The following ZC3H12B variants were observed in gnomAD, a reference collection of about 807,000 sequenced individuals.
ZC3H12B encodes zinc finger CCCH-type containing 12B.
A neutral mutation model predicts 43.9 loss-of-function variants in ZC3H12B; 7 were observed. The observed-to-expected ratio is 0.16, with a 90% CI of 0.09 to 0.30. The LOEUF is 0.30. ZC3H12B is among the 10% of genes least tolerant of loss of function. The pLI, the probability that ZC3H12B is intolerant of heterozygous loss-of-function variation, is 1.00. For missense variants in ZC3H12B, 475 were observed against 670.2 expected, an observed-to-expected ratio of 0.71 and a Z score of 3.22; for synonymous variants, 222 against 241.7, an observed-to-expected ratio of 0.92 and a Z score of 0.76.
At chrX:65,156,616 G>C in the ZC3H12B span, among the ~76,000 whole-genome samples, 1 of 110,872 alleles carries the variant, frequency 9.0e-6, no homozygotes, top group East Asian at 2.8e-4. Flanking sequence ...CTCGACCCCA[G>C]GTAATCCACC....
the ZC3H12B span, among the ~76,000 whole-genome samples, chrX:65,147,028 A>T: frequency 3.6e-5 from 4 of 112,016 alleles, no homozygotes; most frequent in Admixed American, 9.5e-5. Flanking sequence ...CCTGTCTCTC[A>T]TCCACAATGA....
At chrX:65,107,715 T>A in the ZC3H12B span, among the ~76,000 whole-genome samples, 52 of 110,959 alleles carry the variant, frequency 4.7e-4, no homozygotes, top group Non-Finnish European at 7.2e-4. Context: ...ATAAGGGGCT[T>A]TCCCCCTACG....
chrX:65,276,172 G>T, the ZC3H12B span, among the ~76,000 whole-genome samples: 1 of 111,376 alleles, frequency 9.0e-6, no homozygotes, highest in South Asian at 3.7e-4. Flanking sequence ...GAATAAAAAA[G>T]AATTAAGAAA....
intron 2 of ZC3H12B, among the ~76,000 whole-genome samples, chrX:65,378,468 T>C (rs1367515598): frequency 9.2e-6 from 1 of 108,853 alleles, no homozygotes; most frequent in Non-Finnish European, 1.9e-5. Context: ...AAACAACAGA[T>C]ACAAAAAAAA....
the ZC3H12B span, among the ~76,000 whole-genome samples, chrX:65,174,106 C>A: frequency 1.2e-4 from 13 of 111,252 alleles, no homozygotes; most frequent in Admixed American, 7.6e-4. Context: ...CTGCTCCATC[C>A]TCTGGAATCT....
chrX:65,254,865 C>T, the ZC3H12B span, among the ~76,000 whole-genome samples: 1 of 111,141 alleles, frequency 9.0e-6, no homozygotes, highest in Non-Finnish European at 1.9e-5. Flanking sequence ...TAGGAAAAAA[C>T]CAAGCTGACC....
chrX:65,213,130 G>C, the ZC3H12B span, among the ~76,000 whole-genome samples: 2 of 106,155 alleles, frequency 1.9e-5, no homozygotes, highest in Non-Finnish European at 3.9e-5. Flanking sequence ...TATTTTTTCT[G>C]TGCATATATT....
At chrX:65,390,575 A>G (rs1306335558) in intron 2 of ZC3H12B, among the ~76,000 whole-genome samples, 3 of 111,479 alleles carry the variant, frequency 2.7e-5, no homozygotes, top group Non-Finnish European at 5.6e-5. Flanking sequence ...CAGATATATG[A>G]GGCACATATT....
chrX:65,158,762 A>AGCT, the ZC3H12B span, among the ~76,000 whole-genome samples: 1 of 111,512 alleles, frequency 9.0e-6, no homozygotes, highest in African/African-American at 3.3e-5. Context: ...GCTGTGCAGA[A>AGCT]GCTCTTTAGT....
At chrX:65,100,830 T>G in the ZC3H12B span, among the ~76,000 whole-genome samples, 1 of 110,334 alleles carries the variant, frequency 9.1e-6, no homozygotes, top group South Asian at 3.9e-4. Flanking sequence ...CTGTCAACAT[T>G]GGATCAACGA....
chrX:65,132,563 G>T, the ZC3H12B span, among the ~76,000 whole-genome samples: 1 of 110,743 alleles, frequency 9.0e-6, no homozygotes, highest in Non-Finnish European at 1.9e-5. Context: ...CAGCAATGAG[G>T]TGTGGCTGTA....
At chrX:65,259,640 A>G in the ZC3H12B span, among the ~76,000 whole-genome samples, 3 of 112,299 alleles carry the variant, frequency 2.7e-5, no homozygotes, top group Non-Finnish European at 3.8e-5. Context: ...AAATAGTATA[A>G]CCATTATGGA....
chrX:65,043,461 A>G, the ZC3H12B span, among the ~76,000 whole-genome samples: 1 of 110,302 alleles, frequency 9.1e-6, no homozygotes, highest in Non-Finnish European at 1.9e-5. Context: ...GTTTTTATAT[A>G]TAAATTTCTA....
chrX:65,077,601 C>T, the ZC3H12B span, among the ~76,000 whole-genome samples: 1 of 112,275 alleles, frequency 8.9e-6, no homozygotes, highest in Non-Finnish European at 1.9e-5. Flanking sequence ...TTTGCAGCTG[C>T]CTCTCTGTGC....
chrX:65,304,266 T>A, the ZC3H12B span, among the ~76,000 whole-genome samples: 1 of 111,603 alleles, frequency 9.0e-6, no homozygotes. Context: ...ATGGAGAAAG[T>A]ATAGTTTCTT....
At chrX:65,351,228 T>A in the ZC3H12B span, among the ~76,000 whole-genome samples, 1 of 111,803 alleles carries the variant, frequency 8.9e-6, no homozygotes, top group African/African-American at 3.3e-5. Flanking sequence ...GGGAAATCTT[T>A]CCCTATTTAA....
the ZC3H12B span, among the ~76,000 whole-genome samples, chrX:65,239,185 C>T: frequency 9.0e-6 from 1 of 110,847 alleles, no homozygotes; most frequent in Non-Finnish European, 1.9e-5. Context: ...TTAAGTCTCT[C>T]ATTATTATTG....
At chrX:65,107,178 T>C in the ZC3H12B span, among the ~76,000 whole-genome samples, 1 of 111,739 alleles carries the variant, frequency 8.9e-6, no homozygotes, top group Non-Finnish European at 1.9e-5. Context: ...TGACAAACTT[T>C]GCATGTTTAG....
chrX:65,183,531 G>A, the ZC3H12B span, among the ~76,000 whole-genome samples: 1 of 111,233 alleles, frequency 9.0e-6, no homozygotes, highest in East Asian at 2.8e-4. Context: ...ACCTACACAT[G>A]TACCTTTGAT....
Sources: gnomAD v4.1 joint callset for allele counts (sites outside exome capture counted in the v4.1 genomes callset) on GRCh38, gnomAD v4.1.1 for gene constraint, MANE v1.5 for transcripts, NCBI Gene and HGNC (gene_info 2026-07-23, HGNC 2026-07-21) for gene names.